Variants in RBFOX1 observed in about 807,000 individuals in gnomAD.
RBFOX1 encodes RNA binding protein fox-1 homolog 1.
In RBFOX1, 8 loss-of-function variants were observed where a neutral mutation model predicts 57.7. The ratio of observed to expected loss-of-function variants is 0.14; its 90% CI spans 0.08 to 0.25. RBFOX1 has a LOEUF of 0.25. Ranked by LOEUF, RBFOX1 falls within the 10% of genes least tolerant of loss-of-function variation. The pLI, the probability that RBFOX1 is intolerant of heterozygous loss-of-function variation, is 1.00. For missense variants in RBFOX1, 611 were observed against 548.5 expected (o/e 1.11, Z -1.14); for synonymous variants, 326 against 222.4 (o/e 1.47, Z -4.15).
chr16:5,484,929 C>T (rs2151653057), intron 2 of RBFOX1, among the ~76,000 whole-genome samples: 1 of 151,774 alleles, frequency 6.6e-6, no homozygotes, highest in African/African-American at 2.4e-5. Context: ...CATTGTGGCA[C>T]ACACCTGTAG....
At position 7,446,218 on chromosome 16, in the gene RBFOX1, C is replaced by T. The variant is rs113068290; in HGVS notation, c.28-71929C>T. 5.2e-3 allele frequency among the ~76,000 whole-genome samples: 787 copies of T among 152,270 alleles called. 6 individuals carry two copies. Among genetic ancestry groups the T allele is most frequent in the African/African-American group, 0.017 (723 of 41,540 alleles). ...GTTCTCCTGGTTATTAAAGTTGGCTCTTGAGTCTCCCCAGACCCATGCGAA... is the reference window on the plus strand; with the variant it reads ...GTTCTCCTGGTTATTAAAGTTGGCTTTTGAGTCTCCCCAGACCCATGCGAA... On this transcript the variant is annotated intron_variant, in intron 4 of 15. Coordinates refer to ENST00000550418, the MANE Select transcript of RBFOX1 (RefSeq NM_018723.4).
At chr16:6,682,773 C>T (rs2286967) in intron 3 of RBFOX1, among the ~76,000 whole-genome samples, 59,857 of 150,826 alleles carry the variant, frequency 0.4, 14,251 homozygotes, top group African/African-American at 0.66. Flanking sequence ...TAAAATATTT[C>T]AGGGTGAAAT....
chr16:6,874,740 A>T (rs1310305629), intron 3 of RBFOX1, among the ~76,000 whole-genome samples: 1 of 152,046 alleles, frequency 6.6e-6, no homozygotes, highest in East Asian at 1.9e-4. Flanking sequence ...ACACAAAAGC[A>T]TAAAAAATGA....
chr16:7,440,704 T>C (rs1191676215), intron 4 of RBFOX1, among the ~76,000 whole-genome samples: 1 of 152,184 alleles, frequency 6.6e-6, no homozygotes, highest in Admixed American at 6.5e-5. Context: ...AAGTTGAGCT[T>C]TTCTGTTTAG....
At chr16:6,864,305 T>C (rs932873164) in intron 3 of RBFOX1, among the ~76,000 whole-genome samples, 2 of 152,176 alleles carry the variant, frequency 1.3e-5, no homozygotes, top group Admixed American at 1.3e-4. Context: ...ACTTCATTCT[T>C]TCCTTATCCT....
intron 3 of RBFOX1, chr16:6,748,812 T>C (rs1177676642): frequency 3.3e-5 from 5 of 152,086 alleles, no homozygotes; most frequent in Admixed American, 3.3e-4. Context: ...TTTCATTCTA[T>C]AAGATTTTAT....
chr16:5,852,338 G>A (rs962838528), intron 3 of RBFOX1, among the ~76,000 whole-genome samples: 1 of 152,176 alleles, frequency 6.6e-6, no homozygotes, highest in Non-Finnish European at 1.5e-5. Context: ...CACAGGAAGG[G>A]CCTGTCTAGA....
rs1256971276 is a variant in RBFOX1, at chr16:7,390,904, T to C, written c.28-127243T>C. 2.0e-5 allele frequency among the ~76,000 whole-genome samples: 3 copies of C among 152,124 alleles called. No homozygotes were observed. The East Asian group carries it at 5.8e-4, about 29-fold the overall frequency. ...TGGGAATGTAGAAAAATTACAATTATGGAATAAAAAAAGATCCAGGGAGAA... is the reference window on the plus strand; with the variant it reads ...TGGGAATGTAGAAAAATTACAATTACGGAATAAAAAAAGATCCAGGGAGAA... On this transcript the variant is annotated intron_variant, in intron 4 of 15. Transcript: ENST00000550418.
At chr16:6,996,384 A>G (rs536160768) in intron 3 of RBFOX1, among the ~76,000 whole-genome samples, 17 of 152,190 alleles carry the variant, frequency 1.1e-4, no homozygotes, top group Non-Finnish European at 2.4e-4. Context: ...TGTGCATATA[A>G]ACATGTATGT....
intron 4 of RBFOX1, among the ~76,000 whole-genome samples, chr16:7,177,970 C>G (rs1472750504): frequency 6.6e-6 from 1 of 152,170 alleles, no homozygotes; most frequent in East Asian, 1.9e-4. Flanking sequence ...ACACAACATG[C>G]TCACGCTCTG....
At chr16:7,005,088 C>T (rs1432457068) in intron 3 of RBFOX1, among the ~76,000 whole-genome samples, 2 of 152,042 alleles carry the variant, frequency 1.3e-5, no homozygotes, top group African/African-American at 4.8e-5. Flanking sequence ...AAGTTGCAGT[C>T]AGCTGAGATC....
At chr16:6,908,657 C>T (rs934424147) in intron 3 of RBFOX1, among the ~76,000 whole-genome samples, 18 of 152,142 alleles carry the variant, frequency 1.2e-4, no homozygotes, top group African/African-American at 4.1e-4. Context: ...CAGAATATGG[C>T]CCTCTAATTA....
At chr16:5,422,292 G>C in intron 1 of RBFOX1, among the ~76,000 whole-genome samples, 1 of 143,744 alleles carries the variant, frequency 7.0e-6, no homozygotes, top group East Asian at 2.2e-4. Context: ...GAGGAGAAGG[G>C]AGGGAGAGGA....
intron 2 of RBFOX1, among the ~76,000 whole-genome samples, chr16:6,632,349 A>AG: frequency 6.6e-6 from 1 of 152,064 alleles, no homozygotes; most frequent in South Asian, 2.1e-4. Flanking sequence ...AAAAAAAAAA[A>AG]GGTCTGAACT....
At chr16:7,702,546 CATTT>C (rs1465653639) in intron 14 of RBFOX1, among the ~76,000 whole-genome samples, 1 of 152,144 alleles carries the variant, frequency 6.6e-6, no homozygotes, top group Non-Finnish European at 1.5e-5. Context: ...ACAACGGATT[CATTT>C]ATTTCTAGTT....
intron 1 of RBFOX1, among the ~76,000 whole-genome samples, chr16:6,181,376 G>C (rs1383815875): frequency 6.6e-6 from 1 of 152,062 alleles, no homozygotes; most frequent in Non-Finnish European, 1.5e-5. Context: ...AACTCCAGTC[G>C]ATTTTTGGTG....
intron 3 of RBFOX1, chr16:6,773,978 T>A (rs2078902138): frequency 1.2e-5 from 12 of 985,236 alleles, no homozygotes; most frequent in Non-Finnish European, 1.4e-5. Flanking sequence ...TCCTCCCGTT[T>A]TCAACTGAAC....
At chr16:6,647,009 C>G (rs915391347) in intron 2 of RBFOX1, among the ~76,000 whole-genome samples, 1 of 152,270 alleles carries the variant, frequency 6.6e-6, no homozygotes, top group East Asian at 1.9e-4. Flanking sequence ...CTGCCATAGA[C>G]TGGATAGCTT....
At chr16:7,710,370 A>G (rs990751752) in intron 15 of RBFOX1, 7 of 1,350,704 alleles carry the variant, frequency 5.2e-6, no homozygotes, top group Admixed American at 3.7e-5. Context: ...TGTCCAGCTT[A>G]TAATAGAGTC....
Sources: gnomAD v4.1 joint callset for allele counts (sites outside exome capture counted in the v4.1 genomes callset) on GRCh38, gnomAD v4.1.1 for gene constraint, MANE v1.5 for transcripts, NCBI Gene and HGNC (gene_info 2026-07-23, HGNC 2026-07-21) for gene names.